The following SLC27A2 variants were observed in gnomAD, a reference collection of about 807,000 sequenced individuals.
SLC27A2 encodes the protein long-chain fatty acid transport protein 2.
SLC27A2 carries 54 observed loss-of-function variants against 60.0 expected under a neutral mutation model. The observed-to-expected ratio is 0.90, with a 90% CI of 0.72 to 1.13. The LOEUF (loss-of-function observed/expected upper bound fraction) is 1.13, where lower values mean the gene tolerates loss of function less well. SLC27A2 is among the 50% of genes most tolerant of loss of function. SLC27A2 has a pLI of 0.00. For synonymous variants in SLC27A2, 297 were observed against 297.6 expected (o/e 1.00, Z 0.02); for missense variants, 739 against 777.6 (o/e 0.95, Z 0.59).
chr15:50,218,014 A>G (rs2140909270), intron 4 of SLC27A2, among the ~76,000 whole-genome samples: 1 of 130,252 alleles, frequency 7.7e-6, no homozygotes, highest in African/African-American at 2.9e-5. Flanking sequence ...AGATTGCACC[A>G]TTGCACTCCA....
intron 2 of SLC27A2, among the ~76,000 whole-genome samples, chr15:50,200,692 C>G (rs2045057126): frequency 6.6e-6 from 1 of 152,108 alleles, no homozygotes; most frequent in African/African-American, 2.4e-5. Flanking sequence ...GACTTCATGC[C>G]CTCCCCAATT....
At chr15:50,228,845 C>A in intron 7 of SLC27A2, 100 bp from the exon 8 acceptor site, 1 of 795,816 alleles carries the variant, frequency 1.3e-6, no homozygotes, top group Non-Finnish European at 2.2e-6. Context: ...AACACGAGAT[C>A]AGGATCATGC....
chr15:50,202,398 G>A (rs2140902190), intron 2 of SLC27A2, 89 bp from the exon 3 acceptor site: 1 of 1,333,010 alleles, frequency 7.5e-7, no homozygotes, highest in Non-Finnish European at 1.1e-6. Flanking sequence ...AAAATACAGG[G>A]TGATGAATCT....
At position 50,234,087 on chromosome 15, in the gene SLC27A2, A is replaced by C. The variant is rs938869687; in HGVS notation, c.1686+89A>C. On this transcript the variant is annotated intron_variant, in intron 9 of 9. Transcript: ENST00000267842. The stretch of plus-strand genomic sequence containing the variant: ...CAACTCGCCTTCTCCCAGGATGACT[A>C]CATTTGCCAAGTTTTCACCGCACTT... 6.2e-6 allele frequency: 8 copies of C among 1,291,120 alleles called. No homozygotes were observed. The African/African-American group carries it at 1.2e-4, about 19-fold the overall frequency. 80.0% of individuals were successfully genotyped at this position (1,291,120 alleles called of 1,614,324 possible).
chr15:50,206,675 C>T (rs1595686052), intron 4 of SLC27A2, among the ~76,000 whole-genome samples: 1 of 152,166 alleles, frequency 6.6e-6, no homozygotes, highest in Admixed American at 6.5e-5. Context: ...TGTCTGCCCC[C>T]CCTCGCCCCA....
intron 1 of SLC27A2, among the ~76,000 whole-genome samples, chr15:50,186,248 CA>C (rs1225311590): frequency 6.6e-6 from 1 of 151,688 alleles, no homozygotes; most frequent in Non-Finnish European, 1.5e-5. Context: ...TGTCTCAAAA[CA>C]AAAAAATAAA....
chr15:50,186,424 G>GTTGTTTGT (rs144371898), intron 1 of SLC27A2, among the ~76,000 whole-genome samples: 3,383 of 150,748 alleles, frequency 0.022, 45 homozygotes, highest in Non-Finnish European at 0.027. Context: ...GTTTTTCATT[G>GTTGTTTGT]TTGTTTGTTT....
At chr15:50,195,160 A>G (rs1480564702) in intron 1 of SLC27A2, among the ~76,000 whole-genome samples, 2 of 152,148 alleles carry the variant, frequency 1.3e-5, no homozygotes, top group Non-Finnish European at 1.5e-5. Flanking sequence ...CAGAAGAAAC[A>G]GCTTTTAAAA....
chr15:50,226,095 T>G lies in SLC27A2; in HGVS notation c.1258+17T>G. ...TTCCCAAAGGTACAGTGGACTTTTG[T>G]TCAATCAACCTGTGCCCCTTCTTAT... On this transcript the variant is annotated intron_variant, in intron 6 of 9. Coordinates refer to ENST00000267842, the MANE Select transcript of SLC27A2 (RefSeq NM_003645.4). The G allele has an allele frequency of 6.7e-7, 1 of 1,495,934 alleles. No individual in the cohort carries two copies. 92.7% of individuals were successfully genotyped at this position (1,495,934 alleles called of 1,614,324 possible).
At chr15:50,193,884 C>T (rs1007617570) in intron 1 of SLC27A2, among the ~76,000 whole-genome samples, 3 of 152,166 alleles carry the variant, frequency 2.0e-5, no homozygotes, top group Non-Finnish European at 4.4e-5. Flanking sequence ...ATCCACCAGG[C>T]ATGGTGGCTC....
At chr15:50,196,662 T>A (rs2554887) in intron 1 of SLC27A2, among the ~76,000 whole-genome samples, 92,777 of 152,038 alleles carry the variant, frequency 0.61, 29,566 homozygotes, top group East Asian at 0.8. Flanking sequence ...TTCATTTTTT[T>A]AAATATCGCT....
chr15:50,221,675 T>C (rs1291145396), intron 4 of SLC27A2, among the ~76,000 whole-genome samples: 1 of 152,200 alleles, frequency 6.6e-6, no homozygotes. Context: ...AATTGCTGTT[T>C]TATCAAAGAA....
chr15:50,221,572 C>T (rs886558430), intron 4 of SLC27A2, among the ~76,000 whole-genome samples: 1 of 152,192 alleles, frequency 6.6e-6, no homozygotes, highest in Non-Finnish European at 1.5e-5. Flanking sequence ...AAGTCCCGTA[C>T]CCTTATAGTG....
chr15:50,195,327 ACAAAAAC>A (rs2045005221), intron 1 of SLC27A2, among the ~76,000 whole-genome samples: 2 of 150,040 alleles, frequency 1.3e-5, no homozygotes, highest in African/African-American at 4.9e-5. Context: ...AAAAAAAAAA[ACAAAAAC>A]AAACAAATTA....
chr15:50,218,831 C>A (rs918710525), intron 4 of SLC27A2, among the ~76,000 whole-genome samples: 1 of 151,496 alleles, frequency 6.6e-6, no homozygotes, highest in African/African-American at 2.4e-5. Flanking sequence ...ACAAAGGGAC[C>A]CCCCAGGCTT....
chr15:50,185,359 A>G (rs1408405782), intron 1 of SLC27A2, among the ~76,000 whole-genome samples: 2 of 152,168 alleles, frequency 1.3e-5, no homozygotes, highest in South Asian at 2.1e-4. Context: ...ACATATTTGA[A>G]AAAAAATCAG....
chr15:50,193,362 G>A (rs2140897311), intron 1 of SLC27A2, among the ~76,000 whole-genome samples: 1 of 152,332 alleles, frequency 6.6e-6, no homozygotes, highest in Non-Finnish European at 1.5e-5. Context: ...AACAGGGAGA[G>A]CGTTTTGCTC....
chr15:50,194,247 T>C lies in SLC27A2; in HGVS notation c.479-3253T>C, dbSNP rs533281517. Among the ~76,000 whole-genome samples, 9 of 152,168 alleles carry C rather than the reference T, an allele frequency of 5.9e-5. No individual in the cohort carries two copies. In the South Asian group the frequency reaches 1.9e-3, roughly 32 times the overall value. Reference sequence around the variant, plus strand: ...GGAGCTGTAGAAGGGAGCAGCTAACTTTGCAGAGGGAGGGAAGATAACAGA... The same window carrying C: ...GGAGCTGTAGAAGGGAGCAGCTAACCTTGCAGAGGGAGGGAAGATAACAGA... On this transcript the variant is annotated intron_variant, in intron 1 of 9. Coordinates refer to ENST00000267842, the MANE Select transcript of SLC27A2 (RefSeq NM_003645.4).
chr15:50,191,605 G>A (rs947755061), intron 1 of SLC27A2, among the ~76,000 whole-genome samples: 8 of 152,092 alleles, frequency 5.3e-5, no homozygotes, highest in African/African-American at 1.9e-4. Flanking sequence ...CAGCCTCACA[G>A]GTCCCATTCC....
Sources: gnomAD v4.1 joint callset for allele counts (sites outside exome capture counted in the v4.1 genomes callset) on GRCh38, gnomAD v4.1.1 for gene constraint, MANE v1.5 for transcripts, NCBI Gene and HGNC (gene_info 2026-07-23, HGNC 2026-07-21) for gene names.